Variants in SRGAP3 observed in about 807,000 individuals in gnomAD.
The protein encoded by SRGAP3 is SLIT-ROBO Rho GTPase activating protein 3.
In SRGAP3, 39 loss-of-function variants were observed where a neutral mutation model predicts 121.1. That is an observed-to-expected ratio of 0.32 (90% CI 0.25 to 0.42). The LOEUF is 0.42. Ranked by LOEUF, SRGAP3 falls within the 10% of genes least tolerant of loss-of-function variation. SRGAP3 has a pLI of 1.00. For missense variants in SRGAP3, 1,213 were observed against 1,470.6 expected, an observed-to-expected ratio of 0.82 and a Z score of 2.86; for synonymous variants, 601 against 570.0, an observed-to-expected ratio of 1.05 and a Z score of -0.77.
At chr3:9,145,199 G>A (rs186646075) in intron 1 of SRGAP3, among the ~76,000 whole-genome samples, 95 of 152,200 alleles carry the variant, frequency 6.2e-4, no homozygotes, top group African/African-American at 2.2e-3. Flanking sequence ...AGGTTCAAGC[G>A]ATTCTCCTAC....
chr3:9,355,824 A>T (rs1237700922), intron 1 of SRGAP3: 1 of 152,244 alleles, frequency 6.6e-6, no homozygotes, highest in Non-Finnish European at 1.5e-5. Context: ...GGAAAGTCCA[A>T]TGTCAAGGTG....
At chr3:9,136,651 A>G (rs776933651) in intron 1 of SRGAP3, among the ~76,000 whole-genome samples, 2 of 152,122 alleles carry the variant, frequency 1.3e-5, no homozygotes, top group Non-Finnish European at 2.9e-5. Context: ...ACGTTAGAGG[A>G]GGCAGTGGGT....
At chr3:8,994,054 AGAGCCCTGGTGGGTGATG>A in intron 19 of SRGAP3, 1 of 463,356 alleles carries the variant, frequency 2.2e-6, no homozygotes, top group Admixed American at 3.3e-5. Context: ...CTGGATACTG[AGAGCCCTGGTGGGTGATG>A]GCACTCCCTG....
chr3:9,145,616 G>A (rs1949996674), intron 1 of SRGAP3, among the ~76,000 whole-genome samples: 1 of 152,182 alleles, frequency 6.6e-6, no homozygotes, highest in African/African-American at 2.4e-5. Flanking sequence ...AACCCTGGGA[G>A]AGACTCAGGA....
chr3:9,348,901 T>G, intron 1 of SRGAP3: 1 of 1,045,582 alleles, frequency 9.6e-7, no homozygotes, highest in Non-Finnish European at 1.5e-6. Flanking sequence ...CCTGTGAGAG[T>G]CTGAAGGACA....
intron 4 of SRGAP3, among the ~76,000 whole-genome samples, chr3:9,072,977 C>G (rs1946790998): frequency 1.3e-5 from 2 of 152,230 alleles, no homozygotes; most frequent in Non-Finnish European, 1.5e-5. Context: ...ATCTTCAAAG[C>G]TTCTCGCCTG....
At chr3:9,177,900 C>T (rs78233023) in intron 1 of SRGAP3, among the ~76,000 whole-genome samples, 2,653 of 152,230 alleles carry the variant, frequency 0.017, 91 homozygotes, top group African/African-American at 0.061. Context: ...GCAGGACCAG[C>T]AAGCACCTGC....
intron 1 of SRGAP3, among the ~76,000 whole-genome samples, chr3:9,155,093 C>T (rs1034253059): frequency 6.6e-6 from 1 of 151,726 alleles, no homozygotes; most frequent in Non-Finnish European, 1.5e-5. Flanking sequence ...CAGCAGGCCT[C>T]GGTGTGTATT....
intron 3 of SRGAP3, among the ~76,000 whole-genome samples, chr3:9,082,606 G>A (rs1002486447): frequency 2.0e-5 from 3 of 152,218 alleles, no homozygotes; most frequent in Non-Finnish European, 4.4e-5. Context: ...CAAGACCATC[G>A]TGTTGAGTTT....
intron 3 of SRGAP3, chr3:9,257,487 G>T (rs2648517): frequency 0.6 from 90,873 of 151,760 alleles, 28,704 homozygotes; most frequent in South Asian, 0.76. Context: ...GAAAATACAT[G>T]TCTGATTTTT....
chr3:9,359,873 G>A (rs2030704412), intron 1 of SRGAP3, among the ~76,000 whole-genome samples: 2 of 152,152 alleles, frequency 1.3e-5, no homozygotes, highest in Admixed American at 6.6e-5. Context: ...GAACATTTGG[G>A]TTGTTTCTAC....
intron 3 of SRGAP3, among the ~76,000 whole-genome samples, chr3:9,322,806 AC>A (rs1955459036): frequency 6.6e-6 from 1 of 151,846 alleles, no homozygotes; most frequent in Non-Finnish European, 1.5e-5. Flanking sequence ...AAAATTGTTT[AC>A]ATACACTTAC....
At chr3:9,260,982 G>C (rs1954242842) in intron 3 of SRGAP3, among the ~76,000 whole-genome samples, 1 of 152,170 alleles carries the variant, frequency 6.6e-6, no homozygotes, top group Admixed American at 6.5e-5. Flanking sequence ...TGCCCCTCTG[G>C]GACAAAGCTT....
At chr3:9,220,624 AG>A (rs2125197645) in intron 1 of SRGAP3, among the ~76,000 whole-genome samples, 1 of 152,302 alleles carries the variant, frequency 6.6e-6, no homozygotes, top group Admixed American at 6.5e-5. Context: ...CTCTCCACAA[AG>A]GGACACAGAT....
intron 4 of SRGAP3, among the ~76,000 whole-genome samples, chr3:9,069,072 C>G (rs1049409399): frequency 1.3e-5 from 2 of 152,202 alleles, no homozygotes; most frequent in African/African-American, 4.8e-5. Flanking sequence ...TAAGTGGAGT[C>G]AGGGTTCAAA....
At chr3:9,240,098 A>G (rs1953570749) in intron 1 of SRGAP3, among the ~76,000 whole-genome samples, 1 of 152,228 alleles carries the variant, frequency 6.6e-6, no homozygotes. Context: ...TAGAACTTCC[A>G]AAATCTATTA....
At chr3:9,013,130 G>A (rs114657655) in intron 17 of SRGAP3, among the ~76,000 whole-genome samples, 178 bp downstream of exon 17, 122 of 152,284 alleles carry the variant, frequency 8.0e-4, no homozygotes, top group African/African-American at 2.9e-3. Flanking sequence ...TTGTAACCAA[G>A]AGAATCCTAA....
At chr3:9,124,378 T>C (rs1575109820) in intron 2 of SRGAP3, among the ~76,000 whole-genome samples, 1 of 151,738 alleles carries the variant, frequency 6.6e-6, no homozygotes, top group South Asian at 2.1e-4. Context: ...TGAAGGGAGG[T>C]AGGGGTCTCA....
chr3:9,049,454 C>T (rs754215337), intron 9 of SRGAP3: 5 of 455,974 alleles, frequency 1.1e-5, no homozygotes, highest in South Asian at 6.2e-5. Context: ...ATGGGGAAAA[C>T]ATCATCAGGC....
Sources: gnomAD v4.1 joint callset for allele counts (sites outside exome capture counted in the v4.1 genomes callset) on GRCh38, gnomAD v4.1.1 for gene constraint, MANE v1.5 for transcripts, NCBI Gene and HGNC (gene_info 2026-07-23, HGNC 2026-07-21) for gene names.